The following ZSCAN21 variants were observed in gnomAD, a reference collection of about 807,000 sequenced individuals.
ZSCAN21 encodes zinc finger and SCAN domain-containing protein 21.
In ZSCAN21, 26 loss-of-function variants were observed where a neutral mutation model predicts 35.6. That is an observed-to-expected ratio of 0.73 (90% CI 0.54 to 1.01). The LOEUF (loss-of-function observed/expected upper bound fraction) is 1.01, where lower values mean the gene tolerates loss of function less well. ZSCAN21 is among the 50% of genes least tolerant of loss of function. The pLI, the probability that ZSCAN21 is intolerant of heterozygous loss-of-function variation, is 0.00. For missense variants in ZSCAN21, 593 were observed against 587.1 expected, an observed-to-expected ratio of 1.01 and a Z score of -0.10; for synonymous variants, 219 against 219.3, an observed-to-expected ratio of 1.00 and a Z score of 0.01.
chr7:100,054,709 C>A (rs1029520320), intron 1 of ZSCAN21, among the ~76,000 whole-genome samples: 1 of 150,640 alleles, frequency 6.6e-6, no homozygotes, highest in South Asian at 2.1e-4. Flanking sequence ...CGTGGTGGTG[C>A]GTGCCTGTAG....
chr7:100,057,514 A>C, intron 2 of ZSCAN21, 109 bp downstream of exon 2: 3 of 1,432,092 alleles, frequency 2.1e-6, no homozygotes, highest in Non-Finnish European at 2.8e-6. Context: ...ATTTCTGCTG[A>C]ATTAGACCTT....
chr7:100,054,591 G>C (rs1045994153), intron 1 of ZSCAN21, among the ~76,000 whole-genome samples: 3 of 151,904 alleles, frequency 2.0e-5, no homozygotes, highest in Non-Finnish European at 4.4e-5. Context: ...AAATAATTCT[G>C]TATGCATTTT....
chr7:100,050,038 T>G (rs1026283877), intron 1 of ZSCAN21, among the ~76,000 whole-genome samples, 197 bp downstream of exon 1: 6 of 152,194 alleles, frequency 3.9e-5, no homozygotes, highest in African/African-American at 1.4e-4. Context: ...CTGGAAAGCC[T>G]TTTCTTCCAC....
At chr7:100,060,605 G>A (rs549014829) in intron 3 of ZSCAN21, among the ~76,000 whole-genome samples, 1 of 150,534 alleles carries the variant, frequency 6.6e-6, no homozygotes, top group African/African-American at 2.4e-5. Flanking sequence ...GGTGGCTCAC[G>A]CCTGTAATCC....
At chr7:100,061,188 ATTC>A (rs1475329508) in intron 3 of ZSCAN21, among the ~76,000 whole-genome samples, 1 of 152,170 alleles carries the variant, frequency 6.6e-6, no homozygotes, top group Non-Finnish European at 1.5e-5. Flanking sequence ...GTCCTGGTAA[ATTC>A]TTTTTCAATT....
At chr7:100,059,351 C>T (rs140319197) in intron 3 of ZSCAN21, among the ~76,000 whole-genome samples, 4 of 152,248 alleles carry the variant, frequency 2.6e-5, no homozygotes, top group East Asian at 1.9e-4. Context: ...TAAAAATAGC[C>T]GGAGACCTAT....
chr7:100,057,831 T>C lies in ZSCAN21; in HGVS notation c.533T>C (p.Leu178Pro). 1.9e-6 allele frequency: 3 copies of C among 1,613,868 alleles called. No individual in the cohort carries two copies. In the Admixed American group the frequency reaches 5.0e-5, roughly 27 times the overall value. The change falls in exon 3 of 4, where the codon CTG becomes CCG. Residue 178 changes from leucine to proline, a missense_variant. Coordinates refer to ENST00000292450, the MANE Select transcript of ZSCAN21 (RefSeq NM_145914.3). ...TSHKYESWGP[L>P]YIQESGEEQE... ...CACAAATACGAGTCTTGGGGGCCCC[T>C]GTACATCCAAGAGTCTGGTGAGGAG...
In ZSCAN21 at chr7:100,057,380, G is replaced by A. The variant is rs201175038; in HGVS notation, c.374G>A (p.Arg125Gln). The change falls in exon 2 of 4, where the codon CGG becomes CAG. Residue 125 changes from arginine (R) to glutamine (Q), a missense_variant. Transcript: ENST00000292450. ...GTCACTCTCCTCGAAGATCTGGAGCGGGAACTGGATGAGCCAGGACACCAG... is the reference window on the plus strand; with the variant it reads ...GTCACTCTCCTCGAAGATCTGGAGCAGGAACTGGATGAGCCAGGACACCAG... The part of the protein sequence containing the change: ...EAVTLLEDLE[R>Q]ELDEPGHQVS... The A allele has an allele frequency of 5.1e-5, 80 of 1,565,254 alleles. No homozygotes were observed. The highest frequency in any genetic ancestry group is 7.6e-5 in the Admixed American group (4 of 52,930).
At chr7:100,062,464 A>C (rs1245826098) in intron 3 of ZSCAN21, among the ~76,000 whole-genome samples, 1 of 151,208 alleles carries the variant, frequency 6.6e-6, no homozygotes, top group African/African-American at 2.4e-5. Flanking sequence ...GCATGGTGGC[A>C]CATGCCTGTA....
In ZSCAN21 at chr7:100,064,019, G is replaced by T. The variant is rs1584390411; in HGVS notation, c.824G>T (p.Arg275Ile). 1 of 1,614,166 alleles carries T rather than the reference G, an allele frequency of 6.2e-7. No homozygotes were observed. ...CCTACTAAACCTACCCCAGGAGAGA[G>T]ACGTTATATATGTGCTGAATGTGGC... is the stretch of plus-strand genomic sequence containing the variant. The part of the protein sequence containing the change: ...SVPTKPTPGE[R>I]RYICAECGKA... Residue 275 changes from arginine (R) to isoleucine (I), a missense_variant, in exon 4 of 4, where the codon AGA becomes ATA. By Grantham distance (97) the Arg-to-Ile change is moderately conservative. Transcript: ENST00000292450.
At chr7:100,053,318 T>C (rs990748541) in intron 1 of ZSCAN21, among the ~76,000 whole-genome samples, 3 of 151,924 alleles carry the variant, frequency 2.0e-5, no homozygotes, top group Admixed American at 6.6e-5. Flanking sequence ...ATGAATGTTA[T>C]GTTACTACAT....
intron 3 of ZSCAN21, among the ~76,000 whole-genome samples, chr7:100,060,873 A>AC (rs1012115101): frequency 6.6e-6 from 1 of 151,674 alleles, no homozygotes; most frequent in Admixed American, 6.6e-5. Context: ...AAAAAAAAAA[A>AC]AAAAACATTT....
In ZSCAN21 at chr7:100,050,461, G is replaced by T. The variant is rs978699523; in HGVS notation, c.-97+620G>T. On this transcript the variant is annotated intron_variant, in intron 1 of 3. Coordinates refer to ENST00000292450, the MANE Select transcript of ZSCAN21 (RefSeq NM_145914.3). ...GTGGCTCACGCCTGTAATCCCAGCA[G>T]TTCGGGAGGCCGAGGCCGGCGGATC... is the stretch of plus-strand genomic sequence containing the variant. Among the ~76,000 whole-genome samples the T allele has an allele frequency of 5.9e-5, 9 of 151,806 alleles. No individual in the cohort carries two copies. In the South Asian group the frequency reaches 6.3e-4, roughly 11 times the overall value.
chr7:100,059,165 G>C (rs1000911406), intron 3 of ZSCAN21, among the ~76,000 whole-genome samples: 1 of 152,162 alleles, frequency 6.6e-6, no homozygotes, highest in African/African-American at 2.4e-5. Context: ...CATGCTTGCT[G>C]TGTCTGAAAC....
chr7:100,058,231 CA>C, intron 3 of ZSCAN21, among the ~76,000 whole-genome samples: 2 of 152,248 alleles, frequency 1.3e-5, no homozygotes, highest in East Asian at 3.9e-4. Flanking sequence ...TTGCACCAGA[CA>C]ACAGTGAAAA....
Position 100,056,906 on chromosome 7 carries a change from C to T in ZSCAN21, c.-96-5C>T. The T allele has an allele frequency of 8.0e-7, 1 of 1,248,364 alleles. No individual in the cohort carries two copies. The highest frequency in any genetic ancestry group is 2.4e-5 in the Admixed American group (1 of 41,152). The allele number at this position is 1,248,364 out of a possible 1,614,324, so 77.3% of individuals were successfully genotyped here. A position where few individuals can be genotyped will look rare whatever the true frequency, so the allele number is the denominator to read the frequency against. Reference sequence around the variant, plus strand: ...GATTATTTTTTGGTAACTATATTTTCTTAGGTTTAACTTGTGGCCCTAAAG... The same window carrying T: ...GATTATTTTTTGGTAACTATATTTTTTTAGGTTTAACTTGTGGCCCTAAAG... On this transcript the variant is annotated splice_polypyrimidine_tract_variant and splice_region_variant and intron_variant, in intron 1 of 3. Coordinates refer to ENST00000292450, the MANE Select transcript of ZSCAN21 (RefSeq NM_145914.3).
At chr7:100,055,458 G>T (rs193208412) in intron 1 of ZSCAN21, among the ~76,000 whole-genome samples, 7 of 151,968 alleles carry the variant, frequency 4.6e-5, no homozygotes, top group Middle Eastern at 3.4e-3. Flanking sequence ...GTAGAGACAG[G>T]ATTTCACCAT....
chr7:100,054,004 G>T (rs530245577), intron 1 of ZSCAN21, among the ~76,000 whole-genome samples: 1 of 151,834 alleles, frequency 6.6e-6, no homozygotes, highest in South Asian at 2.1e-4. Context: ...CACCACGCCC[G>T]GCCAGTCGTT....
intron 1 of ZSCAN21, among the ~76,000 whole-genome samples, chr7:100,054,838 C>CT (rs1792017413): frequency 1.6e-5 from 1 of 63,038 alleles, no homozygotes; most frequent in Non-Finnish European, 3.0e-5. Flanking sequence ...GACGCTGTCT[C>CT]AAAAAAAAAA....
Sources: allele counts gnomAD v4.1 joint callset (sites outside exome capture counted in the v4.1 genomes callset), GRCh38; gene constraint gnomAD v4.1.1; transcripts MANE v1.5; gene names NCBI Gene and HGNC (gene_info 2026-07-23, HGNC 2026-07-21).